ZFPM2: variants seen among roughly 807,000 people sequenced by gnomAD.
The protein encoded by ZFPM2 is zinc finger protein ZFPM2.
A neutral mutation model predicts 98.6 loss-of-function variants in ZFPM2; 20 were observed. That is an observed-to-expected ratio of 0.20 (90% CI 0.14 to 0.29). ZFPM2 has a LOEUF of 0.29. Among genes scored for constraint, ZFPM2 ranks in the 10% least tolerant of loss-of-function variants. ZFPM2 has a pLI of 1.00. For synonymous variants in ZFPM2, 518 were observed against 502.7 expected, an observed-to-expected ratio of 1.03 and a Z score of -0.41; for missense variants, 1,310 against 1,388.6, an observed-to-expected ratio of 0.94 and a Z score of 0.90.
intron 4 of ZFPM2, among the ~76,000 whole-genome samples, chr8:105,587,832 G>T (rs1815756029): frequency 6.6e-6 from 1 of 152,022 alleles, no homozygotes; most frequent in African/African-American, 2.4e-5. Context: ...GTCATTTCTG[G>T]CCTCTACCTA....
At chr8:105,493,621 C>G (rs1042124272) in intron 3 of ZFPM2, among the ~76,000 whole-genome samples, 9 of 152,304 alleles carry the variant, frequency 5.9e-5, no homozygotes, top group Non-Finnish European at 8.8e-5. Flanking sequence ...CTCAGTTCCA[C>G]TTGCCAGTTG....
chr8:105,712,128 A>G (rs10808406), intron 5 of ZFPM2, among the ~76,000 whole-genome samples: 68,493 of 151,758 alleles, frequency 0.45, 16,486 homozygotes, highest in African/African-American at 0.63. Context: ...CTGGTGAGGA[A>G]CCAGTGGAGA....
chr8:105,796,687 C>T (rs1000925157), intron 6 of ZFPM2: 2 of 152,142 alleles, frequency 1.3e-5, no homozygotes, highest in African/African-American at 4.8e-5. Context: ...AATAACAGTT[C>T]ACAAATTATA....
At chr8:105,436,865 G>A (rs1032931200) in intron 2 of ZFPM2, among the ~76,000 whole-genome samples, 3 of 152,136 alleles carry the variant, frequency 2.0e-5, no homozygotes, top group African/African-American at 7.2e-5. Context: ...AGAGATGATA[G>A]CCATGTTTAG....
intron 5 of ZFPM2, among the ~76,000 whole-genome samples, chr8:105,693,980 C>CTTTTTTTTTTTTTTTTTTTT (rs376834507): frequency 3.4e-5 from 4 of 118,406 alleles, no homozygotes; most frequent in South Asian, 2.4e-4. Flanking sequence ...TTTTTCTTTT[C>CTTTTTTTTTTTTTTTTTTTT]TTTTTTTTTT....
chr8:105,736,918 T>C (rs1037405253), intron 5 of ZFPM2, among the ~76,000 whole-genome samples: 15 of 152,070 alleles, frequency 9.9e-5, no homozygotes, highest in African/African-American at 3.4e-4. Context: ...AAAAATAAAC[T>C]ATGATAGCCA....
intron 5 of ZFPM2, among the ~76,000 whole-genome samples, chr8:105,637,883 A>G (rs553672595): frequency 1.3e-5 from 2 of 152,136 alleles, no homozygotes; most frequent in South Asian, 4.2e-4. Flanking sequence ...TAATGCCTAT[A>G]TTATTTATTA....
At chr8:105,503,695 A>G (rs1021478403) in intron 3 of ZFPM2, among the ~76,000 whole-genome samples, 9 of 152,200 alleles carry the variant, frequency 5.9e-5, no homozygotes, top group African/African-American at 2.2e-4. Flanking sequence ...AAAATAATAA[A>G]CACTATTAGC....
At chr8:105,607,000 A>T (rs1816209988) in intron 4 of ZFPM2, among the ~76,000 whole-genome samples, 1 of 152,124 alleles carries the variant, frequency 6.6e-6, no homozygotes, top group African/African-American at 2.4e-5. Context: ...GGATTCAATA[A>T]GCCACTCTCT....
At chr8:105,413,536 C>T (rs961502438) in intron 1 of ZFPM2, among the ~76,000 whole-genome samples, 1 of 146,416 alleles carries the variant, frequency 6.8e-6, no homozygotes, top group African/African-American at 2.5e-5. Flanking sequence ...ATATATATAT[C>T]TCGTGTTTAA....
At chr8:105,674,876 G>T (rs1238806771) in intron 5 of ZFPM2, among the ~76,000 whole-genome samples, 4 of 152,070 alleles carry the variant, frequency 2.6e-5, no homozygotes, top group Admixed American at 2.6e-4. Flanking sequence ...CAGAGACCAT[G>T]GTTCAACATA....
At chr8:105,679,254 C>A (rs539313089) in intron 5 of ZFPM2, among the ~76,000 whole-genome samples, 3 of 152,236 alleles carry the variant, frequency 2.0e-5, no homozygotes, top group Non-Finnish European at 2.9e-5. Context: ...GATGATTGGG[C>A]AACATTAGTT....
At chr8:105,636,954 T>C (rs1270346545) in intron 5 of ZFPM2, among the ~76,000 whole-genome samples, 1 of 152,158 alleles carries the variant, frequency 6.6e-6, no homozygotes, top group Non-Finnish European at 1.5e-5. Flanking sequence ...CAAAGGTAGA[T>C]AAAAGACTTA....
chr8:105,697,682 T>G (rs573783806), intron 5 of ZFPM2, among the ~76,000 whole-genome samples: 1 of 152,260 alleles, frequency 6.6e-6, no homozygotes, highest in Non-Finnish European at 1.5e-5. Flanking sequence ...CATGAAAAAA[T>G]TAGATATATT....
At chr8:105,389,633 A>G (rs1207407551) in intron 1 of ZFPM2, among the ~76,000 whole-genome samples, 1 of 152,208 alleles carries the variant, frequency 6.6e-6, no homozygotes, top group Non-Finnish European at 1.5e-5. Flanking sequence ...CAGCTGGTAT[A>G]TGGGGAAACT....
intron 3 of ZFPM2, among the ~76,000 whole-genome samples, chr8:105,482,615 T>C (rs1294005713): frequency 6.6e-6 from 1 of 152,142 alleles, no homozygotes; most frequent in African/African-American, 2.4e-5. Context: ...TTTCTTTCAA[T>C]GTTTATTTTG....
intron 3 of ZFPM2, among the ~76,000 whole-genome samples, chr8:105,455,255 T>C (rs1326833935): frequency 6.6e-6 from 1 of 152,056 alleles, no homozygotes. Flanking sequence ...TCAATCTAGG[T>C]AAAAGGGTTG....
intron 1 of ZFPM2, among the ~76,000 whole-genome samples, chr8:105,320,256 T>TGTGTGTGTGTGTG (rs1811999090): frequency 7.0e-6 from 1 of 142,262 alleles, no homozygotes; most frequent in Non-Finnish European, 1.5e-5. Flanking sequence ...ATTCAGATCT[T>TGTGTGTGTGTGTG]TGTGTGTGTG....
At chr8:105,495,215 C>T (rs1262685410) in intron 3 of ZFPM2, among the ~76,000 whole-genome samples, 1 of 152,150 alleles carries the variant, frequency 6.6e-6, no homozygotes, top group Admixed American at 6.5e-5. Flanking sequence ...TTCTTCACCA[C>T]ATCTTAATCT....
Sources: allele counts gnomAD v4.1 joint callset (sites outside exome capture counted in the v4.1 genomes callset), GRCh38; gene constraint gnomAD v4.1.1; transcripts MANE v1.5; gene names NCBI Gene and HGNC (gene_info 2026-07-23, HGNC 2026-07-21).